VPS13C: variants seen among roughly 807,000 people sequenced by gnomAD.
VPS13C encodes the protein intermembrane lipid transfer protein VPS13C.
Under a neutral mutation model 456.8 loss-of-function variants are expected in VPS13C, and 358 were observed. That is an observed-to-expected ratio of 0.78 (90% confidence interval 0.72 to 0.86). The LOEUF is 0.86. Among genes scored for constraint, VPS13C ranks in the 40% least tolerant of loss-of-function variants. The probability of loss-of-function intolerance (pLI) is 0.00; values close to 1 mark genes in which losing one functional copy is unlikely to be tolerated. For missense variants in VPS13C, 4,818 were observed against 4,385.4 expected (o/e 1.10, Z -2.79); for synonymous variants, 1,578 against 1,486.7 (o/e 1.06, Z -1.41).
At position 61,983,901 on chromosome 15, in the gene VPS13C, T is replaced by C; in HGVS notation, c.1833A>G (p.Lys611=). Residue 611 remains lysine (K), a synonymous_variant, in exon 20 of 85, where the codon AAA becomes AAG. Coordinates refer to ENST00000644861, the MANE Select transcript of VPS13C (RefSeq NM_020821.3). The part of the protein sequence containing the change: ...GDTTSSLLKI[K]FETNPEDSPA... ...GACTATCCTCCGGATTGGTTTCAAA[T>C]TTAATTTTAAGCAAGGATGATGTAG... 2 of 1,614,122 alleles carry C rather than the reference T, an allele frequency of 1.2e-6. No individual in the cohort carries two copies. The highest frequency in any genetic ancestry group is 1.7e-6 in the Non-Finnish European group (2 of 1,179,994).
Position 61,875,833 on chromosome 15 carries a change from T to C in VPS13C, c.10237A>G (p.Met3413Val). The change falls in exon 76 of 85, where the codon ATG (methionine) becomes GTG (valine). Residue 3413 changes from methionine (M) to valine (V), a missense_variant. Transcript: ENST00000644861. ...RHYSEQFLKQ[M>V]YVLVLGLDVL... ...TCTAACCCCAATACAAGGACATACATCTGTTTCAAGAACTAAAAAAGAAAA... is the reference window on the plus strand; with the variant it reads ...TCTAACCCCAATACAAGGACATACACCTGTTTCAAGAACTAAAAAAGAAAA... The C allele has an allele frequency of 1.3e-6, 2 of 1,584,052 alleles. No individual in the cohort carries two copies. The highest frequency in any genetic ancestry group is 1.9e-5 in the Admixed American group (1 of 51,510).
intron 5 of VPS13C, among the ~76,000 whole-genome samples, chr15:62,029,436 T>C (rs917590889): frequency 6.6e-6 from 1 of 152,104 alleles, no homozygotes; most frequent in South Asian, 2.1e-4. Flanking sequence ...AGATGCTCTA[T>C]ACTTTCCCAC....
intron 26 of VPS13C, 145 bp from the exon 27 acceptor site, chr15:61,972,909 C>G: frequency 1.2e-6 from 1 of 837,822 alleles, no homozygotes; most frequent in Non-Finnish European, 1.8e-6. Context: ...CTTTTTTAAA[C>G]TTCTACCAAG....
chr15:62,055,960 C>T (rs2048781212), intron 1 of VPS13C, among the ~76,000 whole-genome samples: 1 of 152,172 alleles, frequency 6.6e-6, no homozygotes, highest in Admixed American at 6.5e-5. Context: ...GGTCTATCTG[C>T]TACATGCCAA....
intron 52 of VPS13C, among the ~76,000 whole-genome samples, chr15:61,925,780 C>T (rs1455803659): frequency 1.3e-5 from 2 of 152,192 alleles, no homozygotes; most frequent in Admixed American, 6.5e-5. Flanking sequence ...TGAATTTCAT[C>T]ATGCCAAATC....
chr15:61,858,508 AG>A lies in VPS13C; in HGVS notation c.10953-2100del, dbSNP rs1417597787. 1.3e-5 allele frequency among the ~76,000 whole-genome samples: 2 copies of A among 152,146 alleles called. No individual in the cohort carries two copies. The highest frequency in any genetic ancestry group is 4.8e-5 in the African/African-American group (2 of 41,428). On this transcript the variant is annotated intron_variant, in intron 82 of 84. Transcript: ENST00000644861. This position sits in a 1 kb window ranked among gnomAD's most constrained non-coding sequence, Gnocchi z 4.4. ...TGATAGCTGCCACAGTCTCTATGGT[AG>A]ACAGAATTCTAAGACAAGTCTCCAA...
At chr15:61,962,633 A>G in intron 33 of VPS13C, 95 bp from the exon 34 acceptor site, 1 of 1,360,734 alleles carries the variant, frequency 7.3e-7, no homozygotes. Flanking sequence ...ATCTTTATAA[A>G]AAAATTTTTC....
rs113996710 is a variant in VPS13C at position 61,877,387 on chromosome 15, C to T, written c.10143-333G>A. Among the ~76,000 whole-genome samples the T allele has an allele frequency of 3.6e-3, 438 of 120,608 alleles. 4 individuals are homozygous for T. Among genetic ancestry groups the T allele is most frequent in the African/African-American group, 0.011 (422 of 38,248 alleles). The allele number at this position is 120,608 out of a possible 152,430, so 79.1% of individuals were successfully genotyped here. ...AAATGTTTAAAACATTTTGTATGCCCTGTTTACACTCAACACTGTGGAAAA... is the reference window on the plus strand; with the variant it reads ...AAATGTTTAAAACATTTTGTATGCCTTGTTTACACTCAACACTGTGGAAAA... On this transcript the variant is annotated intron_variant, in intron 74 of 84. Transcript: ENST00000644861.
chr15:61,934,374 T>C, intron 48 of VPS13C, 43 bp from the exon 49 acceptor site: 1 of 1,090,910 alleles, frequency 9.2e-7, no homozygotes, highest in South Asian at 2.2e-5. Context: ...GTACGTAATT[T>C]TATAAATATT....
intron 1 of VPS13C, among the ~76,000 whole-genome samples, chr15:62,046,396 T>A (rs909932377): frequency 6.6e-6 from 1 of 152,200 alleles, no homozygotes; most frequent in Non-Finnish European, 1.5e-5. Context: ...CCTTACGTAT[T>A]ATATATGCAC....
Position 61,919,441 on chromosome 15 carries a change from C to T in VPS13C, c.7486G>A (p.Gly2496Arg), listed in dbSNP as rs115730749. ...GGGATATTTGCAACTTCTGTATATC[C>T]ATGAGGTACTAAGGCAGTGCATAAG... ...SFFTLTIVPH[G>R]YTEVANIPVA... Residue 2496 changes from glycine (G) to arginine (R), a missense_variant, in exon 58 of 85, where the codon GGA (glycine) becomes AGA (arginine). Gly to Arg is a moderately radical substitution (Grantham distance 125, BLOSUM62 -2). Transcript: ENST00000644861. The T allele has an allele frequency of 1.3e-6, 2 of 1,580,380 alleles. No individual in the cohort carries two copies. The highest frequency in any genetic ancestry group is 2.3e-5 in the East Asian group (1 of 42,804).
At chr15:62,008,082 A>G (rs1383650999) in intron 14 of VPS13C, among the ~76,000 whole-genome samples, 1 of 152,078 alleles carries the variant, frequency 6.6e-6, no homozygotes, top group Non-Finnish European at 1.5e-5. Context: ...AAATACAAAA[A>G]TTAGCCAGGC....
intron 47 of VPS13C, among the ~76,000 whole-genome samples, chr15:61,939,797 C>G (rs2044354630): frequency 6.6e-6 from 1 of 152,116 alleles, no homozygotes; most frequent in South Asian, 2.1e-4. Flanking sequence ...GAGTTTGAGG[C>G]CAGCCTGGCC....
chr15:61,995,221 T>A (rs1402492218), intron 16 of VPS13C, among the ~76,000 whole-genome samples: 1 of 152,118 alleles, frequency 6.6e-6, no homozygotes, highest in East Asian at 1.9e-4. Flanking sequence ...TCAACCCAAA[T>A]AAAACTTCTG....
Position 61,962,733 on chromosome 15 carries a change from G to A in VPS13C, c.3435+16C>T, listed in dbSNP as rs2045250583. 2 of 1,539,486 alleles carry A rather than the reference G, an allele frequency of 1.3e-6. No homozygotes were observed. The highest frequency in any genetic ancestry group is 1.4e-5 in the African/African-American group (1 of 73,584). On this transcript the variant is annotated intron_variant, in intron 33 of 84. Coordinates refer to ENST00000644861, the MANE Select transcript of VPS13C (RefSeq NM_020821.3). ...AGTCATTAAAGAATATTAACTATCT[G>A]TTTACAATCACCTACTTTCTTATGA... is the stretch of plus-strand genomic sequence containing the variant.
Position 61,942,604 on chromosome 15 carries a change from G to A in VPS13C, c.5149-537C>T, listed in dbSNP as rs144146574. On this transcript the variant is annotated intron_variant, in intron 45 of 84. Coordinates refer to ENST00000644861, the MANE Select transcript of VPS13C (RefSeq NM_020821.3). ...AAGACAGTTAATTGTCTACAATCCT[G>A]TAATCATTAGTAAGAGTCAAAATTT... Among the ~76,000 whole-genome samples the A allele has an allele frequency of 2.9e-3, 430 of 147,006 alleles. 1 individual carries two copies. Among genetic ancestry groups the A allele is most frequent in the African/African-American group, 0.01 (398 of 39,674 alleles).
At position 62,000,546 on chromosome 15, in the gene VPS13C, G is replaced by C. The variant is rs373038048; in HGVS notation, c.1353+18C>G. 3.8e-6 allele frequency: 6 copies of C among 1,598,398 alleles called. No homozygotes were observed. The highest frequency in any genetic ancestry group is 1.2e-5 in the South Asian group (1 of 86,892). ...TTAACATGTTTAAAACATAAAATCA[G>C]CTAATAAAAATGATTACCTCAACTT... On this transcript the variant is annotated intron_variant, in intron 16 of 84. Coordinates refer to ENST00000644861, the MANE Select transcript of VPS13C (RefSeq NM_020821.3).
Position 61,929,573 on chromosome 15 carries a change from G to A in VPS13C, c.6214C>T (p.Pro2072Ser), listed in dbSNP as rs765504694. Residue 2072 changes from proline (P) to serine (S), a missense_variant, in exon 51 of 85, where the codon CCA (proline) becomes TCA (serine). Physicochemically the swap from Pro to Ser is moderately conservative, Grantham distance 74 (BLOSUM62 -1). Around this residue, in one of 3 missense-constraint regions of VPS13C, gnomAD observed 4,552 missense variants for 4,130.6 expected, o/e 1.10. Coordinates refer to ENST00000644861, the MANE Select transcript of VPS13C (RefSeq NM_020821.3). ...DFFIKAVPQSPENVAKETQIL... is the reference protein window; with the variant it reads ...DFFIKAVPQSSENVAKETQIL... Reference sequence around the variant, plus strand: ...TGTGTTTCTTTTGCCACATTTTCTGGACTCTGAGGCACAGCTTTGATAAAG... The same window carrying A: ...TGTGTTTCTTTTGCCACATTTTCTGAACTCTGAGGCACAGCTTTGATAAAG... 4 of 1,613,632 alleles carry A rather than the reference G, an allele frequency of 2.5e-6. No homozygotes were observed. The highest frequency in any genetic ancestry group is 3.3e-5 in the Admixed American group (2 of 59,972).
intron 78 of VPS13C, 75 bp from the exon 79 acceptor site, chr15:61,872,109 T>TACAG: frequency 8.3e-7 from 1 of 1,206,854 alleles, no homozygotes; most frequent in Non-Finnish European, 1.2e-6. Flanking sequence ...TAGAGGTCTC[T>TACAG]ACAGACATAC....
Sources: gnomAD v4.1 joint callset for allele counts (sites outside exome capture counted in the v4.1 genomes callset) on GRCh38, gnomAD v4.1.1 for gene constraint, gnomAD v4.1.1 regional missense constraint, Gnocchi (gnomAD v3.1) non-coding constraint, MANE v1.5 for transcripts, NCBI Gene and HGNC (gene_info 2026-07-23, HGNC 2026-07-21) for gene names.